The following ZNF250 variants were observed in gnomAD, a reference collection of about 807,000 sequenced individuals.
ZNF250 encodes the protein zinc finger protein (clone 647).
A neutral mutation model predicts 37.1 loss-of-function variants in ZNF250; 13 were observed. The ratio of observed to expected loss-of-function variants is 0.35; its 90% CI spans 0.23 to 0.56. The LOEUF (loss-of-function observed/expected upper bound fraction) is 0.56. Among genes scored for constraint, ZNF250 ranks in the 20% least tolerant of loss-of-function variants. ZNF250 has a pLI of 0.87. For synonymous variants in ZNF250, 251 were observed against 265.6 expected (o/e 0.94, Z 0.54); for missense variants, 474 against 697.9 (o/e 0.68, Z 3.61).
At chr8:144,898,346 CAAAACAAAAA>C (rs959493724) in intron 1 of ZNF250, among the ~76,000 whole-genome samples, 4 of 151,726 alleles carry the variant, frequency 2.6e-5, no homozygotes, top group South Asian at 4.2e-4. Flanking sequence ...CAAAACAAAA[CAAAACAAAAA>C]AACAACCAAA....
At position 144,877,734 on chromosome 8, in the gene ZNF250, C is replaced by G. The variant is rs1486938314; in HGVS notation, c.*3781G>C. 1 of 152,092 alleles carries G rather than the reference C, an allele frequency of 6.6e-6. No individual in the cohort carries two copies. Among genetic ancestry groups the G allele is most frequent in the Non-Finnish European group, 1.5e-5 (1 of 68,024 alleles). The allele number at this position is 152,092 out of a possible 1,614,324, so 9.4% of individuals were successfully genotyped here. On this transcript the variant is annotated 3_prime_UTR_variant, in exon 6 of 6. Transcript: ENST00000417550. ...GGCAGCCTGACATAGCAAGAACAGG[C>G]AGAATGATATTAAGCTCATTTTAAG...
In ZNF250 at chr8:144,894,020, G is replaced by A. The variant is rs557609182; in HGVS notation, c.-54-3617C>T. Among the ~76,000 whole-genome samples, 16 of 152,124 alleles carry A rather than the reference G, an allele frequency of 1.1e-4. No individual in the cohort carries two copies. In the East Asian group the frequency reaches 3.1e-3, roughly 29 times the overall value. ...GCTCTTTTGGTACACTTGAGCTCGT[G>A]ATCCCCCTTCCCTCTGACTCAACCT... On this transcript the variant is annotated intron_variant, in intron 1 of 5. Coordinates refer to ENST00000417550, the MANE Select transcript of ZNF250 (RefSeq NM_001109689.4).
At chr8:144,884,590 T>C (rs969641288) in intron 5 of ZNF250, among the ~76,000 whole-genome samples, 1 of 152,224 alleles carries the variant, frequency 6.6e-6, no homozygotes, top group African/African-American at 2.4e-5. Context: ...TCATGAAGCA[T>C]GCTTCTGTGA....
chr8:144,890,124 A>T lies in ZNF250; in HGVS notation c.43-65T>A, dbSNP rs1036819174. ...GATGTCTGTGATGGGGAGTGGGTGC[A>T]TGTGACATGTGACATGAGCAGTTGG... is the stretch of plus-strand genomic sequence containing the variant. On this transcript the variant is annotated intron_variant, in intron 2 of 5. Transcript: ENST00000417550. This position sits in a 1 kb window ranked among gnomAD's most constrained non-coding sequence, Gnocchi z 5.1. 1.3e-6 allele frequency: 2 copies of T among 1,576,592 alleles called. No individual in the cohort carries two copies. The highest frequency in any genetic ancestry group is 1.7e-6 in the Non-Finnish European group (2 of 1,160,780).
Position 144,889,671 on chromosome 8 carries a change from T to A in ZNF250, c.193A>T (p.Ile65Leu). 1.2e-5 allele frequency: 19 copies of A among 1,613,952 alleles called. No individual in the cohort carries two copies. Among genetic ancestry groups the A allele is most frequent in the Non-Finnish European group, 1.6e-5 (19 of 1,179,872 alleles). ...SLGLPGSKPD[I>L]ISQLERGEDP... Reference sequence around the variant, plus strand: ...TCCCCTCGCTCCAGCTGGGAGATTATGTCAGGCTTGGATCCTGGAAGTCCT... The same window carrying A: ...TCCCCTCGCTCCAGCTGGGAGATTAAGTCAGGCTTGGATCCTGGAAGTCCT... Residue 65 changes from isoleucine (I) to leucine (L), a missense_variant, in exon 4 of 6, where the codon ATA becomes TTA. This residue lies in a region of ZNF250 where 192 missense variants were observed against 227.5 expected (regional missense o/e 0.84). Transcript: ENST00000417550.
chr8:144,889,796 T>C (rs1832182123), intron 3 of ZNF250, 102 bp from the exon 4 acceptor site: 2 of 1,457,594 alleles, frequency 1.4e-6, no homozygotes, highest in Non-Finnish European at 1.8e-6. Context: ...GGACTGATCT[T>C]CTGCTGGAGC....
chr8:144,878,713 TC>T lies in ZNF250; in HGVS notation c.*2801del, dbSNP rs1176861345. ...TGAAATAGCACTCAGTGACCTCCAT[TC>T]TTCTAGAGTTTCACATTAGTGATTT... On this transcript the variant is annotated 3_prime_UTR_variant, in exon 6 of 6. Transcript: ENST00000417550. The T allele has an allele frequency of 6.6e-6, 1 of 152,146 alleles. No homozygotes were observed. Among genetic ancestry groups the T allele is most frequent in the Non-Finnish European group, 1.5e-5 (1 of 68,020 alleles). The allele number at this position is 152,146 out of a possible 1,614,324, so 9.4% of individuals were successfully genotyped here.
In ZNF250 at chr8:144,882,070, G is replaced by A. The variant is rs1454331339; in HGVS notation, c.1113C>T (p.Phe371=). The change falls in exon 6 of 6, where the codon TTC becomes TTT. Residue 371 remains phenylalanine (F), a synonymous_variant. Transcript: ENST00000417550. The surrounding 1 kb of genome is among the most constrained non-coding windows in gnomAD (Gnocchi z 5.5). The part of the protein sequence containing the change: ...PYTCSECGKA[F]SDRSVLIQHH... Reference sequence around the variant, plus strand: ...GCTGAATGAGGACTGAGCGGTCGCTGAAGGCCTTCCCACACTCGCTGCACG... The same window carrying A: ...GCTGAATGAGGACTGAGCGGTCGCTAAAGGCCTTCCCACACTCGCTGCACG... 6.2e-7 allele frequency: 1 copy of A among 1,614,046 alleles called. No individual in the cohort carries two copies. Among genetic ancestry groups the A allele is most frequent in the Admixed American group, 1.7e-5 (1 of 60,004 alleles).
intron 4 of ZNF250, among the ~76,000 whole-genome samples, chr8:144,888,909 C>G (rs1240748020): frequency 6.6e-6 from 1 of 152,110 alleles, no homozygotes; most frequent in African/African-American, 2.4e-5. Flanking sequence ...GCTGGGACTA[C>G]AGGTGCATGC....
In ZNF250 at chr8:144,890,516, T is replaced by C. The variant is rs1259253718; in HGVS notation, c.-54-113A>G. 11 of 568,718 alleles carry C rather than the reference T, an allele frequency of 1.9e-5. No individual in the cohort carries two copies. The highest frequency in any genetic ancestry group is 3.4e-5 in the Admixed American group (1 of 29,142). 35.2% of individuals were successfully genotyped at this position (568,718 alleles called of 1,614,324 possible). A position where few individuals can be genotyped will look rare whatever the true frequency, so the allele number is the denominator to read the frequency against. ...AGAGTCACTGAGGGGCACACTGAGG[T>C]CAGGTGCAAGGAGCTGCTACTGTTG... On this transcript the variant is annotated intron_variant, in intron 1 of 5. Transcript: ENST00000417550. The surrounding 1 kb of genome is among the most constrained non-coding windows in gnomAD (Gnocchi z 5.1).
At chr8:144,899,170 A>T (rs1481924965) in intron 1 of ZNF250, among the ~76,000 whole-genome samples, 2 of 152,208 alleles carry the variant, frequency 1.3e-5, no homozygotes, top group Non-Finnish European at 2.9e-5. Context: ...TGTGTGAGTT[A>T]AAAAAGTTGG....
At chr8:144,893,791 C>A (rs529294724) in intron 1 of ZNF250, among the ~76,000 whole-genome samples, 3 of 152,310 alleles carry the variant, frequency 2.0e-5, no homozygotes, top group South Asian at 4.1e-4. Flanking sequence ...GCAGGTCTTG[C>A]AGCCAGTTCT....
Position 144,880,241 on chromosome 8 carries a change from A to G in ZNF250, c.*1274T>C. 1 of 287,112 alleles carries G rather than the reference A, an allele frequency of 3.5e-6. No homozygotes were observed. The highest frequency in any genetic ancestry group is 7.2e-6 in the Non-Finnish European group (1 of 138,942). The allele number at this position is 287,112 out of a possible 1,614,324, so 17.8% of individuals were successfully genotyped here. ...CCCCTTCAAATATAGGAATAGAAAT[A>G]CTAGAGATAGTAAAAAAGAGCTATC... On this transcript the variant is annotated 3_prime_UTR_variant, in exon 6 of 6. Transcript: ENST00000417550.
chr8:144,884,146 T>C (rs1190426108), intron 5 of ZNF250, among the ~76,000 whole-genome samples: 1 of 152,112 alleles, frequency 6.6e-6, no homozygotes, highest in East Asian at 1.9e-4. Context: ...GTCAGCATTA[T>C]GTTTTTGAGA....
rs1831225511 is a variant in ZNF250, at chr8:144,877,827, A to G, written c.*3688T>C. 6.6e-6 allele frequency: 1 copy of G among 152,278 alleles called. No homozygotes were observed. The highest frequency in any genetic ancestry group is 1.5e-5 in the Non-Finnish European group (1 of 68,052). 9.4% of individuals were successfully genotyped at this position (152,278 alleles called of 1,614,324 possible). On this transcript the variant is annotated 3_prime_UTR_variant, in exon 6 of 6. Transcript: ENST00000417550. ...AAACCCTAGGTTATTGGAATCCAGA[A>G]TAACTTGTACTGTGTAACTTACGTT...
chr8:144,880,603 C>T lies in ZNF250; in HGVS notation c.*912G>A, dbSNP rs1004333164. 1.4e-5 allele frequency: 6 copies of T among 414,116 alleles called. No individual in the cohort carries two copies. The Admixed American group carries it at 1.6e-4, about 11-fold the overall frequency. The allele number at this position is 414,116 out of a possible 1,614,324, so 25.7% of individuals were successfully genotyped here. On this transcript the variant is annotated 3_prime_UTR_variant, in exon 6 of 6. Coordinates refer to ENST00000417550, the MANE Select transcript of ZNF250 (RefSeq NM_001109689.4). Reference sequence around the variant, plus strand: ...TCTAGGCCAGGCATGGTGCCTCACGCCTGTAATCCCAACACTTTCGGAAGC... The same window carrying T: ...TCTAGGCCAGGCATGGTGCCTCACGTCTGTAATCCCAACACTTTCGGAAGC...
chr8:144,883,977 A>G (rs972791892), intron 5 of ZNF250, among the ~76,000 whole-genome samples: 1 of 152,156 alleles, frequency 6.6e-6, no homozygotes, highest in East Asian at 1.9e-4. Context: ...CTTGGGGCTC[A>G]TATGATCCTC....
At position 144,900,066 on chromosome 8, in the gene ZNF250, G is replaced by GA. The variant is rs1230294662; in HGVS notation, c.-55+1332dup. Among the ~76,000 whole-genome samples, 4 of 152,024 alleles carry GA rather than the reference G, an allele frequency of 2.6e-5. No individual in the cohort carries two copies. The East Asian group carries it at 5.8e-4, about 22-fold the overall frequency. ...GAGAAGCATGTTTTCAACATACATG[G>GA]AAAAAAATATGAGCTGGCAAATCAC... is the stretch of plus-strand genomic sequence containing the variant. On this transcript the variant is annotated intron_variant, in intron 1 of 5. Transcript: ENST00000417550.
chr8:144,888,496 C>G (rs141850490), intron 4 of ZNF250, among the ~76,000 whole-genome samples: 8 of 150,262 alleles, frequency 5.3e-5, no homozygotes, highest in Admixed American at 2.0e-4. Context: ...ATTCGAGAAG[C>G]TGAGGCGTAA....
Sources: allele counts gnomAD v4.1 joint callset (sites outside exome capture counted in the v4.1 genomes callset), GRCh38; gene constraint gnomAD v4.1.1; regional missense constraint gnomAD v4.1.1; non-coding constraint Gnocchi (gnomAD v3.1); transcripts MANE v1.5; gene names NCBI Gene and HGNC (gene_info 2026-07-23, HGNC 2026-07-21).